The following ESR1 variants were observed in gnomAD, a reference collection of about 807,000 sequenced individuals.
ESR1 encodes the protein estrogen receptor.
In ESR1, 12 loss-of-function variants were observed where a neutral mutation model predicts 52.7. The observed-to-expected ratio is 0.23, with a 90% confidence interval of 0.15 to 0.37. The LOEUF (loss-of-function observed/expected upper bound fraction) is 0.37. Ranked by LOEUF, ESR1 falls within the 10% of genes least tolerant of loss-of-function variation. The pLI is 1.00. For synonymous variants in ESR1, 305 were observed against 316.8 expected (o/e 0.96, Z 0.39); for missense variants, 584 against 779.7 (o/e 0.75, Z 2.99).
chr6:152,019,355 G>A (rs559700302), intron 5 of ESR1, among the ~76,000 whole-genome samples: 1 of 152,224 alleles, frequency 6.6e-6, no homozygotes, highest in Non-Finnish European at 1.5e-5. Context: ...CAAAGTGCTT[G>A]GAAGGGTTCT....
chr6:152,062,877 T>C (rs991073451), intron 6 of ESR1, among the ~76,000 whole-genome samples: 4 of 152,206 alleles, frequency 2.6e-5, no homozygotes, highest in African/African-American at 9.6e-5. Flanking sequence ...ATAAAAAATA[T>C]TTCCTCCAGA....
chr6:151,718,064 A>G (rs147030750), intron 2 of ESR1, among the ~76,000 whole-genome samples: 243 of 152,334 alleles, frequency 1.6e-3, no homozygotes, highest in African/African-American at 5.7e-3. Context: ...CATCTGATGA[A>G]TGAATGAATA....
chr6:152,024,060 C>T (rs894008133), intron 5 of ESR1, among the ~76,000 whole-genome samples: 2 of 152,080 alleles, frequency 1.3e-5, no homozygotes, highest in Non-Finnish European at 2.9e-5. Flanking sequence ...TCTTCATATA[C>T]AGTATGCAAT....
chr6:151,719,895 T>C (rs983594617), intron 2 of ESR1, among the ~76,000 whole-genome samples: 2 of 152,294 alleles, frequency 1.3e-5, no homozygotes, highest in African/African-American at 4.8e-5. Context: ...ACTGAGTATA[T>C]TTATGTATTT....
chr6:151,701,956 T>C (rs189244382), exon 2 of ESR1: 2 of 152,324 alleles, frequency 1.3e-5, no homozygotes, highest in East Asian at 3.9e-4. Context: ...AGCACAGCAC[T>C]TCTTGAAAAA....
In ESR1 at chr6:152,099,406, T is replaced by C. The variant is rs1381960311; in HGVS notation, c.*440T>C. ...AAAGAATTTAAAGTGGCTCCTTTAA[T>C]TGGTGACTTGGAGAAAGCTAGGTCA... On this transcript the variant is annotated 3_prime_UTR_variant, in exon 8 of 8. Transcript: ENST00000206249. The C allele has an allele frequency of 1.3e-5, 4 of 316,378 alleles. No individual in the cohort carries two copies. The highest frequency in any genetic ancestry group is 2.4e-5 in the Non-Finnish European group (4 of 167,716). The allele number at this position is 316,378 out of a possible 1,614,324, so 19.6% of individuals were successfully genotyped here. A position where few individuals can be genotyped will look rare whatever the true frequency, so the allele number is the denominator to read the frequency against.
At chr6:151,857,778 C>T (rs1281634409) in intron 2 of ESR1, among the ~76,000 whole-genome samples, 1 of 152,148 alleles carries the variant, frequency 6.6e-6, no homozygotes, top group African/African-American at 2.4e-5. Context: ...ATTTGCCTGC[C>T]TCGGTCTCCC....
intron 6 of ESR1, among the ~76,000 whole-genome samples, chr6:152,084,773 C>T (rs1397678501): frequency 6.6e-6 from 1 of 151,150 alleles, no homozygotes; most frequent in African/African-American, 2.4e-5. Context: ...AAGTCTATTT[C>T]TCACAAGTAG....
At chr6:151,983,107 C>A (rs1312420405) in intron 4 of ESR1, among the ~76,000 whole-genome samples, 1 of 152,030 alleles carries the variant, frequency 6.6e-6, no homozygotes, top group Non-Finnish European at 1.5e-5. Flanking sequence ...TCGCAGGTGG[C>A]CAGTGGCTAT....
upstream of ESR1, among the ~76,000 whole-genome samples, chr6:151,806,528 A>ATG (rs200063474): frequency 3.5e-3 from 404 of 114,036 alleles, 12 homozygotes; most frequent in East Asian, 0.032. Context: ...TCTCCTTAAT[A>ATG]TGTATATATA....
Position 152,098,783 on chromosome 6 carries a change from C to T in ESR1, c.1605C>T (p.Pro535=), listed in dbSNP as rs1242462266. The part of the protein sequence containing the change: ...LYSMKCKNVV[P]LYDLLLEMLD... ...GCATGAAGTGCAAGAACGTGGTGCC[C>T]CTCTATGACCTGCTGCTGGAGATGC... Residue 535 remains proline, a synonymous_variant, in exon 8 of 8, where the codon CCC becomes CCT. Transcript: ENST00000206249. The surrounding 1 kb of genome is among the most constrained non-coding windows in gnomAD (Gnocchi z 5.1). 5 of 1,614,152 alleles carry T rather than the reference C, an allele frequency of 3.1e-6. No homozygotes were observed. Among genetic ancestry groups the T allele is most frequent in the African/African-American group, 1.3e-5 (1 of 75,030 alleles).
chr6:151,910,079 C>T (rs527861405), intron 3 of ESR1, among the ~76,000 whole-genome samples: 1 of 151,164 alleles, frequency 6.6e-6, no homozygotes, highest in South Asian at 2.1e-4. Context: ...TGACATAGTT[C>T]CAGAAGGATA....
chr6:151,934,003 A>G (rs1211716192), intron 3 of ESR1, among the ~76,000 whole-genome samples: 2 of 152,180 alleles, frequency 1.3e-5, no homozygotes, highest in Non-Finnish European at 2.9e-5. Context: ...CCTCTGCTCT[A>G]TGGAAAGCAG....
At chr6:152,123,388 A>G (rs2052134849) in intron 6 of ESR1, among the ~76,000 whole-genome samples, 2 of 152,146 alleles carry the variant, frequency 1.3e-5, no homozygotes, top group Non-Finnish European at 2.9e-5. Flanking sequence ...GAAAATGGAC[A>G]CCATTTTCTG....
intron 3 of ESR1, among the ~76,000 whole-genome samples, chr6:151,904,081 C>A (rs1052199278): frequency 1.3e-5 from 2 of 152,180 alleles, no homozygotes; most frequent in African/African-American, 4.8e-5. Context: ...GTCACATAAG[C>A]ATGACTGAAG....
intron 6 of ESR1, among the ~76,000 whole-genome samples, chr6:152,066,345 A>G (rs776372129): frequency 2.0e-5 from 3 of 152,230 alleles, no homozygotes; most frequent in Non-Finnish European, 4.4e-5. Context: ...TAGAAATAAG[A>G]CAGTGATTCA....
chr6:152,001,970 T>C (rs569588041), intron 4 of ESR1, among the ~76,000 whole-genome samples: 64 of 152,150 alleles, frequency 4.2e-4, no homozygotes, highest in African/African-American at 1.2e-3. Flanking sequence ...TATGGAGCCA[T>C]AGGGCTTTTC....
At chr6:151,921,119 G>A (rs2031570806) in intron 3 of ESR1, among the ~76,000 whole-genome samples, 1 of 151,940 alleles carries the variant, frequency 6.6e-6, no homozygotes, top group South Asian at 2.1e-4. Flanking sequence ...AGTGTGTGTT[G>A]TTCCCCTCCC....
At chr6:152,081,484 A>G (rs1453828564) in intron 6 of ESR1, among the ~76,000 whole-genome samples, 1 of 151,986 alleles carries the variant, frequency 6.6e-6, no homozygotes, top group African/African-American at 2.4e-5. Flanking sequence ...CAGTGTGTAG[A>G]GGGAAATTTA....
Sources: allele counts gnomAD v4.1 joint callset (sites outside exome capture counted in the v4.1 genomes callset), GRCh38; gene constraint gnomAD v4.1.1; non-coding constraint Gnocchi (gnomAD v3.1); transcripts MANE v1.5; gene names NCBI Gene and HGNC (gene_info 2026-07-23, HGNC 2026-07-21).